Variants in CDC42BPA observed in about 807,000 individuals in gnomAD.
The protein encoded by CDC42BPA is CDC42 binding protein kinase alpha.
In CDC42BPA, 80 loss-of-function variants were observed where a neutral mutation model predicts 223.5. That is an observed-to-expected ratio of 0.36 (90% CI 0.30 to 0.43). CDC42BPA has a LOEUF of 0.43. Among genes scored for constraint, CDC42BPA ranks in the 20% least tolerant of loss-of-function variants. The probability of loss-of-function intolerance (pLI) is 1.00; values close to 1 mark genes in which losing one functional copy is unlikely to be tolerated. For missense variants in CDC42BPA, 1,743 were observed against 2,099.9 expected, an observed-to-expected ratio of 0.83 and a Z score of 3.32; for synonymous variants, 694 against 718.6, an observed-to-expected ratio of 0.97 and a Z score of 0.55.
At chr1:227,012,775 C>T (rs1665468036) in intron 34 of CDC42BPA, among the ~76,000 whole-genome samples, 1 of 151,992 alleles carries the variant, frequency 6.6e-6, no homozygotes, top group Admixed American at 6.6e-5. Flanking sequence ...ATATTAACAA[C>T]TGAGAATACA....
chr1:227,243,298 T>G (rs1039591935), intron 2 of CDC42BPA, among the ~76,000 whole-genome samples: 6 of 152,182 alleles, frequency 3.9e-5, no homozygotes, highest in African/African-American at 1.4e-4. Flanking sequence ...TTAACAAACC[T>G]GCAAGTGTAC....
intron 6 of CDC42BPA, among the ~76,000 whole-genome samples, chr1:227,155,917 A>G (rs1662665432): frequency 6.6e-6 from 1 of 152,238 alleles, no homozygotes; most frequent in Middle Eastern, 3.4e-3. Flanking sequence ...CCATGGTAGG[A>G]TAGTATGAGT....
At chr1:227,220,672 G>A (rs1235281999) in intron 2 of CDC42BPA, among the ~76,000 whole-genome samples, 3 of 134,268 alleles carry the variant, frequency 2.2e-5, no homozygotes, top group Admixed American at 7.7e-5. Flanking sequence ...AAATGTTTTT[G>A]CGCTTCATAC....
chr1:227,225,689 ATTTC>A (rs1676736015), intron 2 of CDC42BPA, among the ~76,000 whole-genome samples: 1 of 152,134 alleles, frequency 6.6e-6, no homozygotes, highest in Non-Finnish European at 1.5e-5. Flanking sequence ...TCCTTCACTG[ATTTC>A]TTTCTGCCGC....
intron 5 of CDC42BPA, among the ~76,000 whole-genome samples, chr1:227,161,643 G>A (rs1243643560): frequency 2.6e-5 from 4 of 152,116 alleles, no homozygotes; most frequent in East Asian, 3.9e-4. Context: ...TATGGCCCAC[G>A]GCCAAATCTG....
rs199746122 is a variant in CDC42BPA, at chr1:227,112,329, C to T, written c.1984G>A (p.Glu662Lys). 17 of 1,590,552 alleles carry T rather than the reference C, an allele frequency of 1.1e-5. No homozygotes were observed. The East Asian group carries it at 3.9e-4, about 36-fold the overall frequency. ...AAAGATACCTTCAGTCCCTCCAATT[C>T]ATTTTCCAGTTGCTTAGAATAGTGC... ...SEHYSKQLEN[E>K]LEGLKQKQIS... The change falls in exon 14 of 37, where the codon GAA becomes AAA. Residue 662 changes from glutamate to lysine, a missense_variant. Around this residue, in one of 6 missense-constraint regions of CDC42BPA, gnomAD observed 464 missense variants for 488.0 expected, o/e 0.95. Coordinates refer to ENST00000366766, the MANE Select transcript of CDC42BPA (RefSeq NM_001394014.1).
Position 226,994,992 on chromosome 1 carries a change from C to T in CDC42BPA, c.4976-12G>A, listed in dbSNP as rs776732519. 3.7e-6 allele frequency: 6 copies of T among 1,607,628 alleles called. No individual in the cohort carries two copies. Among genetic ancestry groups the T allele is most frequent in the Non-Finnish European group, 5.1e-6 (6 of 1,176,326 alleles). ...CTGTGCGGATGACCCTACAGTACAT[C>T]ATGCAGGCAAAATTTTACATATGCA... On this transcript the variant is annotated splice_polypyrimidine_tract_variant and intron_variant, in intron 35 of 36. Coordinates refer to ENST00000366766, the MANE Select transcript of CDC42BPA (RefSeq NM_001394014.1). The surrounding 1 kb of genome is among the most constrained non-coding windows in gnomAD (Gnocchi z 4.0).
intron 34 of CDC42BPA, among the ~76,000 whole-genome samples, chr1:227,006,188 C>A (rs1234420827): frequency 1.3e-5 from 2 of 152,216 alleles, no homozygotes; most frequent in African/African-American, 4.8e-5. Context: ...TGATTTCTTA[C>A]AATTTATAAA....
chr1:227,145,691 G>A lies in CDC42BPA; in HGVS notation c.941C>T (p.Ala314Val). 1.9e-6 allele frequency: 3 copies of A among 1,613,468 alleles called. No individual in the cohort carries two copies. Among genetic ancestry groups the A allele is most frequent in the Non-Finnish European group, 2.5e-6 (3 of 1,179,544 alleles). ...AATGAGCCTTCGAATAAGATCCTTA[G>A]CATTTTCAGACACATCAGTCACTTG... is the stretch of plus-strand genomic sequence containing the variant. The part of the protein sequence containing the change: ...PAQVTDVSEN[A>V]KDLIRRLICS... The change falls in exon 8 of 37, where the codon GCT becomes GTT. Residue 314 changes from alanine (A) to valine (V), a missense_variant. Physicochemically the swap from Ala to Val is moderately conservative, Grantham distance 64. This residue lies in a region of CDC42BPA where 321 missense variants were observed against 488.7 expected (regional missense o/e 0.66). Coordinates refer to ENST00000366766, the MANE Select transcript of CDC42BPA (RefSeq NM_001394014.1).
At chr1:227,275,426 A>C (rs1247711121) in intron 1 of CDC42BPA, among the ~76,000 whole-genome samples, 1 of 151,732 alleles carries the variant, frequency 6.6e-6, no homozygotes, top group Non-Finnish European at 1.5e-5. Flanking sequence ...TAAAAGAAAG[A>C]CAATACAGAT....
At chr1:227,029,554 T>C (rs1411353657) in intron 29 of CDC42BPA, among the ~76,000 whole-genome samples, 3 of 152,200 alleles carry the variant, frequency 2.0e-5, no homozygotes, top group South Asian at 2.1e-4. Context: ...AACGTCACCA[T>C]AGGATTCCCA....
At chr1:227,005,599 A>G (rs937858457) in intron 34 of CDC42BPA, among the ~76,000 whole-genome samples, 1 of 152,232 alleles carries the variant, frequency 6.6e-6, no homozygotes, top group Admixed American at 6.5e-5. Context: ...CCCAGTCACC[A>G]GGCATCTTTA....
intron 1 of CDC42BPA, among the ~76,000 whole-genome samples, chr1:227,283,045 G>C (rs16847571): frequency 0.16 from 23,943 of 151,974 alleles, 2,177 homozygotes; most frequent in East Asian, 0.37. Context: ...TATAATTCAT[G>C]GGATGAAAAA....
chr1:227,002,308 C>T (rs544690257), intron 35 of CDC42BPA, among the ~76,000 whole-genome samples: 21 of 71,352 alleles, frequency 2.9e-4, no homozygotes, highest in South Asian at 4.6e-4. Context: ...ATCTAGCTAT[C>T]GCTAATAAAA....
At chr1:227,145,458 G>A (rs1437794695) in intron 8 of CDC42BPA, 31 bp downstream of exon 8, 3 of 1,588,960 alleles carry the variant, frequency 1.9e-6, no homozygotes, top group Admixed American at 1.7e-5. Flanking sequence ...AGAAACAGAG[G>A]GACAGAACTT....
chr1:227,215,799 T>C (rs1288685434), intron 2 of CDC42BPA, among the ~76,000 whole-genome samples: 1 of 152,216 alleles, frequency 6.6e-6, no homozygotes, highest in African/African-American at 2.4e-5. Context: ...CTTTAATTTC[T>C]AACTTTCTGT....
Position 227,147,385 on chromosome 1 carries a change from T to C in CDC42BPA, c.868A>G (p.Thr290Ala). 1.2e-6 allele frequency: 2 copies of C among 1,611,798 alleles called. No individual in the cohort carries two copies. The highest frequency in any genetic ancestry group is 1.7e-6 in the Non-Finnish European group (2 of 1,178,998). Residue 290 changes from threonine to alanine, a missense_variant, in exon 7 of 37, where the codon ACA (threonine) becomes GCA (alanine). Physicochemically the swap from Thr to Ala is moderately conservative, Grantham distance 58 (BLOSUM62 0). Around this residue, in one of 6 missense-constraint regions of CDC42BPA, gnomAD observed 321 missense variants for 488.7 expected, o/e 0.66. Transcript: ENST00000366766. ...TTGTGGTTCATGATTTTTCCGTATG[T>C]CTCCACCAGCGATTCTGCATAAAAT... ...TPFYAESLVE[T>A]YGKIMNHKER... is the part of the protein sequence containing the mutation.
intron 21 of CDC42BPA, among the ~76,000 whole-genome samples, chr1:227,067,800 CAGAA>C (rs1348752052): frequency 6.6e-6 from 1 of 152,044 alleles, no homozygotes; most frequent in Admixed American, 6.6e-5. Context: ...CCTAACAAAA[CAGAA>C]AGAATAAAAC....
At chr1:227,036,554 C>T (rs1027736178) in intron 24 of CDC42BPA, among the ~76,000 whole-genome samples, 3 of 151,636 alleles carry the variant, frequency 2.0e-5, no homozygotes, top group Admixed American at 6.6e-5. Context: ...CTCAGCCTCC[C>T]AAGCAGCTGG....
Sources: allele counts gnomAD v4.1 joint callset (sites outside exome capture counted in the v4.1 genomes callset), GRCh38; gene constraint gnomAD v4.1.1; regional missense constraint gnomAD v4.1.1; non-coding constraint Gnocchi (gnomAD v3.1); transcripts MANE v1.5; gene names NCBI Gene and HGNC (gene_info 2026-07-23, HGNC 2026-07-21).